The following TUT7 variants were observed in gnomAD, a reference collection of about 807,000 sequenced individuals.
The protein encoded by TUT7 is terminal uridylyltransferase 7.
TUT7 carries 33 observed loss-of-function variants against 165.9 expected under a neutral mutation model. That is an observed-to-expected ratio of 0.20 (90% CI 0.15 to 0.27). TUT7 has a LOEUF of 0.27. TUT7 is among the 10% of genes least tolerant of loss of function. The pLI, the probability that TUT7 is intolerant of heterozygous loss-of-function variation, is 1.00. For missense variants in TUT7, 1,338 were observed against 1,762.3 expected (o/e 0.76, Z 4.31); for synonymous variants, 552 against 608.1 (o/e 0.91, Z 1.36).
At position 86,321,127 on chromosome 9, in the gene TUT7, C is replaced by T. The variant is rs116552816; in HGVS notation, c.3028+1198G>A. On this transcript the variant is annotated intron_variant, in intron 14 of 26. Coordinates refer to ENST00000375963, the MANE Select transcript of TUT7 (RefSeq NM_024617.4). The stretch of plus-strand genomic sequence containing the variant: ...CAGCACTTTGGGAGGTCAAGGCGAG[C>T]GGATCACTGGAGGTCAGGAGTTTGA... Among the ~76,000 whole-genome samples, 972 of 150,798 alleles carry T rather than the reference C, an allele frequency of 6.4e-3. 16 individuals are homozygous for T. The highest frequency in any genetic ancestry group is 0.022 in the African/African-American group (899 of 40,994).
intron 25 of TUT7, among the ~76,000 whole-genome samples, chr9:86,302,302 T>C (rs369540292): frequency 1.0e-3 from 151 of 150,194 alleles, no homozygotes; most frequent in African/African-American, 3.5e-3. Flanking sequence ...GCTTACCTAC[T>C]CACAACAATT....
chr9:86,352,542 A>G, intron 2 of TUT7, 138 bp downstream of exon 2: 6 of 971,532 alleles, frequency 6.2e-6, no homozygotes, highest in Non-Finnish European at 8.1e-6. Flanking sequence ...AAATAATCAC[A>G]CTAAGTGACC....
intron 10 of TUT7, among the ~76,000 whole-genome samples, chr9:86,336,274 G>A (rs2131535671): frequency 6.6e-6 from 1 of 152,260 alleles, no homozygotes; most frequent in Non-Finnish European, 1.5e-5. Flanking sequence ...ACTTGGGTGT[G>A]CTGGAAAGAG....
chr9:86,294,756 T>A (rs1326892814), intron 26 of TUT7, among the ~76,000 whole-genome samples: 2 of 151,036 alleles, frequency 1.3e-5, no homozygotes, highest in Non-Finnish European at 1.5e-5. Flanking sequence ...TTATTATTAT[T>A]ATATTTTAAG....
At position 86,343,172 on chromosome 9, in the gene TUT7, T is replaced by C; in HGVS notation, c.998-9A>G. On this transcript the variant is annotated splice_polypyrimidine_tract_variant and intron_variant, in intron 5 of 26. Transcript: ENST00000375963. ...TAATCTTAGGGAACAATCTAAAAAA[T>C]AAATAAATAAATAAAAGTAATAAAT... is the stretch of plus-strand genomic sequence containing the variant. The C allele has an allele frequency of 1.4e-6, 2 of 1,444,826 alleles. No homozygotes were observed. Among genetic ancestry groups the C allele is most frequent in the Non-Finnish European group, 1.9e-6 (2 of 1,068,768 alleles). The allele number at this position is 1,444,826 out of a possible 1,614,324, so 89.5% of individuals were successfully genotyped here. A position where few individuals can be genotyped will look rare whatever the true frequency, so the allele number is the denominator to read the frequency against.
chr9:86,339,436 T>C (rs1831133594), intron 8 of TUT7, among the ~76,000 whole-genome samples: 1 of 152,110 alleles, frequency 6.6e-6, no homozygotes, highest in African/African-American at 2.4e-5. Flanking sequence ...GAGAATGGTG[T>C]GAACCCAGGA....
intron 23 of TUT7, 90 bp downstream of exon 23, chr9:86,305,102 C>T: frequency 1.5e-6 from 2 of 1,329,950 alleles, no homozygotes; most frequent in East Asian, 2.5e-5. Context: ...TTGAGACCAG[C>T]CTGGGCAATA....
intron 2 of TUT7, among the ~76,000 whole-genome samples, chr9:86,347,260 T>A (rs1831857816): frequency 1.3e-5 from 2 of 152,236 alleles, no homozygotes; most frequent in South Asian, 4.1e-4. Flanking sequence ...TGCTATTAGT[T>A]CTATAATCCT....
At chr9:86,352,321 C>T (rs569427522) in intron 2 of TUT7, among the ~76,000 whole-genome samples, 1 of 151,960 alleles carries the variant, frequency 6.6e-6, no homozygotes, top group Non-Finnish European at 1.5e-5. Flanking sequence ...TATTCAAATA[C>T]AAAATTATAA....
At chr9:86,318,848 C>T in intron 16 of TUT7, 110 bp downstream of exon 16, 1 of 747,112 alleles carries the variant, frequency 1.3e-6, no homozygotes, top group East Asian at 2.7e-5. Flanking sequence ...AAACAGCACA[C>T]TCTATATGGT....
intron 22 of TUT7, 39 bp from the exon 23 acceptor site, chr9:86,305,278 T>C (rs760019961): frequency 3.6e-6 from 5 of 1,371,138 alleles, no homozygotes; most frequent in African/African-American, 1.5e-5. Context: ...GGTAATCAAA[T>C]AGAAAATGCC....
intron 25 of TUT7, among the ~76,000 whole-genome samples, chr9:86,302,303 C>T (rs1826998110): frequency 6.7e-6 from 1 of 149,808 alleles, no homozygotes; most frequent in Admixed American, 6.7e-5. Flanking sequence ...CTTACCTACT[C>T]ACAACAATTA....
chr9:86,293,206 C>T (rs1383789591), intron 26 of TUT7, among the ~76,000 whole-genome samples: 1 of 152,132 alleles, frequency 6.6e-6, no homozygotes, highest in African/African-American at 2.4e-5. Context: ...GTAATCCCAA[C>T]ACTTCTGGAA....
At chr9:86,319,272 C>G (rs1829009714) in intron 15 of TUT7, among the ~76,000 whole-genome samples, 1 of 152,158 alleles carries the variant, frequency 6.6e-6, no homozygotes, top group East Asian at 1.9e-4. Flanking sequence ...GAAAGATTAC[C>G]AGGTGCTCCT....
At position 86,323,458 on chromosome 9, in the gene TUT7, A is replaced by G. The variant is rs757305067; in HGVS notation, c.2292T>C (p.Thr764=). 9 of 1,614,228 alleles carry G rather than the reference A, an allele frequency of 5.6e-6. No individual in the cohort carries two copies. In the South Asian group the frequency reaches 8.8e-5, roughly 16 times the overall value. Residue 764 remains threonine, a synonymous_variant, in exon 13 of 27, where the codon ACT becomes ACC. Transcript: ENST00000375963. Reference sequence around the variant, plus strand: ...CATGCTCTCCACGTTTCTGATCAACAGTCAACAGATGCTTGCCCTTCCTTC... The same window carrying G: ...CATGCTCTCCACGTTTCTGATCAACGGTCAACAGATGCTTGCCCTTCCTTC... ...KVGRKGKHLL[T]VDQKRGEHVV...
intron 2 of TUT7, chr9:86,352,424 A>G: frequency 1.8e-6 from 1 of 559,024 alleles, no homozygotes; most frequent in Non-Finnish European, 3.2e-6. Context: ...CACGTTACAG[A>G]AAACATGTTT....
chr9:86,298,457 T>G (rs1826559017), intron 26 of TUT7, among the ~76,000 whole-genome samples: 1 of 152,208 alleles, frequency 6.6e-6, no homozygotes, highest in Non-Finnish European at 1.5e-5. Flanking sequence ...AAAACACTGC[T>G]GGCAAGACAG....
Position 86,301,538 on chromosome 9 carries a change from T to C in TUT7, c.4158A>G (p.Lys1386=), listed in dbSNP as rs200228497. The change falls in exon 26 of 27, where the codon AAA becomes AAG. Residue 1386 remains lysine (K), a synonymous_variant. Transcript: ENST00000375963. ...GAATTTCTTTGTCCTCTTTGCTTCT[T>C]TTTTCCTTGTTCTCAGGGTATCTTT... is the stretch of plus-strand genomic sequence containing the variant. ...LNQRYPENKE[K]RSKEDKEIHN... 1.3e-4 allele frequency: 213 copies of C among 1,614,004 alleles called. No homozygotes were observed. Among genetic ancestry groups the C allele is most frequent in the Non-Finnish European group, 1.7e-4 (199 of 1,180,040 alleles).
rs751560131 is a variant in TUT7, at chr9:86,328,330, G to A, written c.1608+10C>T. The stretch of plus-strand genomic sequence containing the variant: ...GTGAAACTGACAACTAGAAACAAAA[G>A]AGAACAGACCTGTCCCCTTTTAATC... On this transcript the variant is annotated intron_variant, in intron 11 of 26. Transcript: ENST00000375963. The A allele has an allele frequency of 6.4e-7, 1 of 1,559,956 alleles. No individual in the cohort carries two copies. The highest frequency in any genetic ancestry group is 8.6e-7 in the Non-Finnish European group (1 of 1,156,680).
Sources: allele counts gnomAD v4.1 joint callset (sites outside exome capture counted in the v4.1 genomes callset), GRCh38; gene constraint gnomAD v4.1.1; transcripts MANE v1.5; gene names NCBI Gene and HGNC (gene_info 2026-07-23, HGNC 2026-07-21).